CORIN: variants seen among roughly 807,000 people sequenced by gnomAD.
CORIN encodes atrial natriuretic peptide-converting enzyme.
A neutral mutation model predicts 125.3 loss-of-function variants in CORIN; 117 were observed. The observed-to-expected ratio is 0.93, with a 90% CI of 0.80 to 1.09. CORIN has a LOEUF of 1.09. Among genes scored for constraint, CORIN ranks in the 50% least tolerant of loss-of-function variants. The probability of loss-of-function intolerance (pLI) is 0.00; values close to 1 mark genes in which losing one functional copy is unlikely to be tolerated. For synonymous variants in CORIN, 450 were observed against 466.4 expected (o/e 0.96, Z 0.45); for missense variants, 1,253 against 1,306.7 (o/e 0.96, Z 0.63).
At chr4:47,766,881 G>T (rs1486173560) in intron 3 of CORIN, among the ~76,000 whole-genome samples, 1 of 150,784 alleles carries the variant, frequency 6.6e-6, no homozygotes, top group African/African-American at 2.4e-5. Flanking sequence ...GGGAGGCGGA[G>T]GTTGGCAGTG....
chr4:47,796,780 A>C (rs1465583327), intron 2 of CORIN, among the ~76,000 whole-genome samples: 1 of 152,062 alleles, frequency 6.6e-6, no homozygotes, highest in African/African-American at 2.4e-5. Context: ...TAAACAAATA[A>C]ATAAATAAAT....
chr4:47,651,113 A>T (rs4626168), intron 13 of CORIN, among the ~76,000 whole-genome samples: 14,070 of 152,340 alleles, frequency 0.092, 1,202 homozygotes, highest in East Asian at 0.47. Flanking sequence ...CAAAGAAACA[A>T]GAAGTAATTT....
intron 3 of CORIN, among the ~76,000 whole-genome samples, chr4:47,772,394 T>C (rs891697755): frequency 1.3e-5 from 2 of 152,218 alleles, no homozygotes; most frequent in Non-Finnish European, 2.9e-5. Context: ...TCACATTCCA[T>C]AGAATTAAGT....
intron 9 of CORIN, among the ~76,000 whole-genome samples, chr4:47,676,045 A>T (rs1015186906): frequency 1.1e-4 from 17 of 152,162 alleles, no homozygotes; most frequent in Non-Finnish European, 5.9e-5. Context: ...AGCTTCAACC[A>T]CTGAGAAAGG....
At chr4:47,638,719 G>A (rs748791663) in intron 16 of CORIN, among the ~76,000 whole-genome samples, 2 of 152,080 alleles carry the variant, frequency 1.3e-5, no homozygotes, top group South Asian at 2.1e-4. Flanking sequence ...TCCCAGTCTC[G>A]GGTATGTCTT....
intron 3 of CORIN, among the ~76,000 whole-genome samples, chr4:47,766,893 G>A (rs1729777841): frequency 6.7e-6 from 1 of 148,350 alleles, no homozygotes; most frequent in Non-Finnish European, 1.5e-5. Context: ...TTGGCAGTGA[G>A]CTGAGATCAT....
intron 2 of CORIN, among the ~76,000 whole-genome samples, chr4:47,805,148 A>ATAATAATAATAAT (rs1553919341): frequency 1.0e-4 from 13 of 129,160 alleles, no homozygotes; most frequent in African/African-American, 3.8e-4. Flanking sequence ...AAAAAAAAAA[A>ATAATAATAATAAT]AATAATAATA....
intron 10 of CORIN, among the ~76,000 whole-genome samples, chr4:47,668,179 CA>C (rs1724565929): frequency 6.6e-6 from 1 of 152,158 alleles, no homozygotes; most frequent in South Asian, 2.1e-4. Flanking sequence ...TTTGTTATAG[CA>C]GTCTGAACTA....
At chr4:47,711,244 C>A (rs1423571752) in intron 5 of CORIN, among the ~76,000 whole-genome samples, 3 of 152,230 alleles carry the variant, frequency 2.0e-5, no homozygotes, top group Non-Finnish European at 4.4e-5. Context: ...GGAGCCATGA[C>A]TATAATGTGG....
At chr4:47,699,360 G>C (rs1035123043) in intron 5 of CORIN, among the ~76,000 whole-genome samples, 1 of 152,120 alleles carries the variant, frequency 6.6e-6, no homozygotes, top group Non-Finnish European at 1.5e-5. Flanking sequence ...ATGCAGGGCA[G>C]GCACTACACT....
intron 9 of CORIN, among the ~76,000 whole-genome samples, chr4:47,676,666 A>G (rs1725033424): frequency 6.6e-6 from 1 of 152,214 alleles, no homozygotes; most frequent in Non-Finnish European, 1.5e-5. Flanking sequence ...TGAATCCATT[A>G]AAGTGAACAA....
At position 47,665,021 on chromosome 4, in the gene CORIN, C is replaced by T. The variant is rs1724412500; in HGVS notation, c.1589+11G>A. 1 of 1,564,532 alleles carries T rather than the reference C, an allele frequency of 6.4e-7. No homozygotes were observed. The highest frequency in any genetic ancestry group is 8.8e-7 in the Non-Finnish European group (1 of 1,135,382). ...CAAAATAAGGGACTGGGGTAGATCC[C>T]ATCATATTACCTGCAAGGAGGGATA... is the stretch of plus-strand genomic sequence containing the variant. On this transcript the variant is annotated intron_variant, in intron 11 of 21. Coordinates refer to ENST00000273857, the MANE Select transcript of CORIN (RefSeq NM_006587.4).
chr4:47,622,731 GA>G (rs1485927036), intron 19 of CORIN, among the ~76,000 whole-genome samples: 7 of 152,250 alleles, frequency 4.6e-5, no homozygotes, highest in Non-Finnish European at 5.9e-5. Context: ...CAGCAAGAAG[GA>G]ATTCTGCCAG....
At chr4:47,644,854 T>G (rs1401784315) in intron 14 of CORIN, among the ~76,000 whole-genome samples, 4 of 152,222 alleles carry the variant, frequency 2.6e-5, no homozygotes, top group Non-Finnish European at 5.9e-5. Flanking sequence ...GTATTTTGAT[T>G]TTCTCATATT....
chr4:47,799,117 G>A (rs1403132149), intron 2 of CORIN, among the ~76,000 whole-genome samples: 1 of 151,112 alleles, frequency 6.6e-6, no homozygotes, highest in Non-Finnish European at 1.5e-5. Flanking sequence ...GTGTGTGTGT[G>A]TGTGTGTGTG....
chr4:47,745,586 C>T (rs1728628759), intron 4 of CORIN, among the ~76,000 whole-genome samples: 1 of 152,182 alleles, frequency 6.6e-6, no homozygotes, highest in Non-Finnish European at 1.5e-5. Context: ...GGTCAAATAG[C>T]TCCTAATGGC....
chr4:47,690,016 T>A (rs763413637), intron 6 of CORIN, among the ~76,000 whole-genome samples: 1 of 152,202 alleles, frequency 6.6e-6, no homozygotes, highest in Non-Finnish European at 1.5e-5. Flanking sequence ...TTGTTTCAGG[T>A]GTTTGGAAAT....
At chr4:47,689,941 C>A (rs983938844) in intron 6 of CORIN, among the ~76,000 whole-genome samples, 1 of 152,132 alleles carries the variant, frequency 6.6e-6, no homozygotes, top group African/African-American at 2.4e-5. Flanking sequence ...CTGCCTAAAG[C>A]CACAGAGGTA....
At chr4:47,756,838 T>G (rs1729169826) in intron 4 of CORIN, among the ~76,000 whole-genome samples, 1 of 152,202 alleles carries the variant, frequency 6.6e-6, no homozygotes, top group Non-Finnish European at 1.5e-5. Context: ...CTGCTGGGTC[T>G]CCTCCATTTC....
Sources: allele counts gnomAD v4.1 joint callset (sites outside exome capture counted in the v4.1 genomes callset), GRCh38; gene constraint gnomAD v4.1.1; transcripts MANE v1.5; gene names NCBI Gene and HGNC (gene_info 2026-07-23, HGNC 2026-07-21).